The following MBD5 variants were observed in gnomAD, a reference collection of about 807,000 sequenced individuals.
MBD5 encodes the protein methyl-CpG-binding domain protein 5.
In MBD5, 13 loss-of-function variants were observed where a neutral mutation model predicts 117.3. That is an observed-to-expected ratio of 0.11 (90% CI 0.07 to 0.18). The LOEUF (loss-of-function observed/expected upper bound fraction) is 0.18, where lower values mean the gene tolerates loss of function less well. MBD5 is among the 10% of genes least tolerant of loss of function. The pLI is 1.00. For synonymous variants in MBD5, 727 were observed against 766.4 expected, an observed-to-expected ratio of 0.95 and a Z score of 0.85; for missense variants, 1,879 against 2,093.8, an observed-to-expected ratio of 0.90 and a Z score of 2.00.
At chr2:148,065,292 CT>C (rs975928969) in intron 1 of MBD5, among the ~76,000 whole-genome samples, 10 of 152,048 alleles carry the variant, frequency 6.6e-5, no homozygotes, top group Admixed American at 1.3e-4. Flanking sequence ...TTCAAATAGC[CT>C]GGTATTTTCC....
At chr2:148,465,222 A>G (rs932804688) in intron 7 of MBD5, among the ~76,000 whole-genome samples, 3 of 152,150 alleles carry the variant, frequency 2.0e-5, no homozygotes, top group African/African-American at 7.2e-5. Flanking sequence ...TCATCATTAG[A>G]CACATAATGT....
chr2:148,355,123 GT>G (rs1399376753), intron 4 of MBD5, among the ~76,000 whole-genome samples: 1 of 95,222 alleles, frequency 1.1e-5, no homozygotes, highest in Non-Finnish European at 2.5e-5. Flanking sequence ...GGGGTTGTTT[GT>G]TTTTTTTCTT....
chr2:148,418,004 T>C (rs1705476723), intron 4 of MBD5, among the ~76,000 whole-genome samples: 1 of 151,990 alleles, frequency 6.6e-6, no homozygotes, highest in Admixed American at 6.6e-5. Flanking sequence ...CACGTGCAAC[T>C]AATTTCTTTA....
chr2:148,286,920 G>C (rs924334732), intron 3 of MBD5, among the ~76,000 whole-genome samples: 44 of 152,264 alleles, frequency 2.9e-4, no homozygotes, highest in African/African-American at 1.0e-3. Context: ...ATAATGAAGA[G>C]CAACAAAGGA....
chr2:148,203,121 A>G (rs1324405973), intron 2 of MBD5, among the ~76,000 whole-genome samples: 3 of 150,698 alleles, frequency 2.0e-5, no homozygotes, highest in Admixed American at 1.3e-4. Flanking sequence ...AAAAAAAAAA[A>G]GCTGTAAACT....
At chr2:148,136,051 T>C (rs946338852) in intron 1 of MBD5, among the ~76,000 whole-genome samples, 2 of 152,180 alleles carry the variant, frequency 1.3e-5, no homozygotes, top group African/African-American at 4.8e-5. Context: ...TGTTATAAAC[T>C]ATCTAATCAT....
At chr2:148,443,468 C>A (rs1706393237) in intron 4 of MBD5, among the ~76,000 whole-genome samples, 3 of 151,240 alleles carry the variant, frequency 2.0e-5, no homozygotes. Flanking sequence ...TTCACAATAG[C>A]CAAGATTTGG....
chr2:148,395,821 T>C (rs1326016619), intron 4 of MBD5, among the ~76,000 whole-genome samples: 1 of 152,136 alleles, frequency 6.6e-6, no homozygotes, highest in Admixed American at 6.5e-5. Context: ...AATCACACCA[T>C]ATAAGCCACA....
At chr2:148,182,449 C>G (rs887983616) in intron 2 of MBD5, among the ~76,000 whole-genome samples, 1 of 152,070 alleles carries the variant, frequency 6.6e-6, no homozygotes, top group Non-Finnish European at 1.5e-5. Flanking sequence ...AAATATCTGA[C>G]TGGAGATTTT....
In MBD5 at chr2:148,490,575, A is replaced by G. The variant is rs1285640636; in HGVS notation, c.4943A>G (p.Gln1648Arg). The G allele has an allele frequency of 6.2e-7, 1 of 1,614,092 alleles. No individual in the cohort carries two copies. The highest frequency in any genetic ancestry group is 1.7e-5 in the Admixed American group (1 of 60,008). The change falls in exon 11 of 14, where the codon CAA (glutamine) becomes CGA (arginine). Residue 1648 changes from glutamine to arginine, a missense_variant. Coordinates refer to ENST00000642680, the MANE Select transcript of MBD5 (RefSeq NM_001378120.1). ...REDDVHNSCQ[Q>R]SPEEGKVEPE... ...GACGACGTTCACAATTCATGTCAAC[A>G]AAGCCCCGAGGAAGGGAAGGTATAC... is the stretch of plus-strand genomic sequence containing the variant.
In MBD5 at chr2:148,469,115, T is replaced by C; in HGVS notation, c.1172T>C (p.Met391Thr). The C allele has an allele frequency of 6.8e-6, 11 of 1,614,068 alleles. No homozygotes were observed. The highest frequency in any genetic ancestry group is 1.1e-5 in the South Asian group (1 of 91,082). Residue 391 changes from methionine to threonine, a missense_variant, in exon 8 of 14, where the codon ATG becomes ACG. By Grantham distance (81) the Met-to-Thr change is moderately conservative. Around this residue, in one of 4 missense-constraint regions of MBD5, gnomAD observed 1,666 missense variants for 1,792.2 expected, o/e 0.93. Transcript: ENST00000642680. Reference sequence around the variant, plus strand: ...TCAAATGTCCACTCTCAGGTACCTATGATGAATGTAAGCATGCCTCCTGCT... The same window carrying C: ...TCAAATGTCCACTCTCAGGTACCTACGATGAATGTAAGCATGCCTCCTGCT... The part of the protein sequence containing the change: ...FHSNVHSQVP[M>T]MNVSMPPAVV...
At chr2:148,022,905 C>G (rs1476353039) in intron 1 of MBD5, among the ~76,000 whole-genome samples, 1 of 152,104 alleles carries the variant, frequency 6.6e-6, no homozygotes, top group African/African-American at 2.4e-5. Flanking sequence ...CTTTAAAATT[C>G]AGTGCTGTAT....
chr2:148,341,373 G>A (rs987410195), intron 3 of MBD5, among the ~76,000 whole-genome samples: 19 of 151,176 alleles, frequency 1.3e-4, no homozygotes, highest in African/African-American at 4.6e-4. Flanking sequence ...AGATTTTTAA[G>A]CATTAGAATT....
intron 4 of MBD5, among the ~76,000 whole-genome samples, chr2:148,345,396 CATAT>C (rs1306660611): frequency 5.0e-5 from 5 of 99,166 alleles, no homozygotes; most frequent in African/African-American, 1.4e-4. Flanking sequence ...TATACATATA[CATAT>C]ATACACATAT....
intron 4 of MBD5, among the ~76,000 whole-genome samples, chr2:148,400,535 C>G (rs540591134): frequency 5.9e-5 from 9 of 152,226 alleles, no homozygotes; most frequent in Admixed American, 5.9e-4. Flanking sequence ...ATTCTTGTTT[C>G]AAAGGTATTT....
intron 10 of MBD5, among the ~76,000 whole-genome samples, chr2:148,488,451 G>T (rs1681406411): frequency 6.6e-6 from 1 of 152,110 alleles, no homozygotes; most frequent in South Asian, 2.1e-4. Context: ...GATAAGGCAG[G>T]CAGTTGAATT....
intron 1 of MBD5, among the ~76,000 whole-genome samples, chr2:148,078,709 T>C (rs1695569482): frequency 6.6e-6 from 1 of 152,234 alleles, no homozygotes; most frequent in South Asian, 2.1e-4. Context: ...ACATATATTC[T>C]TTGACTCTTT....
chr2:148,237,725 T>C (rs1163336819), intron 3 of MBD5, among the ~76,000 whole-genome samples: 1 of 152,172 alleles, frequency 6.6e-6, no homozygotes, highest in East Asian at 1.9e-4. Context: ...ACGGCACCGA[T>C]GGACTTGCTC....
At position 148,144,316 on chromosome 2, in the gene MBD5, T is replaced by A. The variant is rs1046075239; in HGVS notation, c.-924-34384T>A. On this transcript the variant is annotated intron_variant, in intron 1 of 13. Transcript: ENST00000642680. ...GTTGTTTGTTTTTTTCTTGTAAATT[T>A]GTTTGAGTTCTTTGTAGATTCTGGA... Among the ~76,000 whole-genome samples the A allele has an allele frequency of 1.3e-4, 20 of 152,198 alleles. No individual in the cohort carries two copies. In the East Asian group the frequency reaches 2.1e-3, roughly 16 times the overall value.
Sources: allele counts gnomAD v4.1 joint callset (sites outside exome capture counted in the v4.1 genomes callset), GRCh38; gene constraint gnomAD v4.1.1; regional missense constraint gnomAD v4.1.1; transcripts MANE v1.5; gene names NCBI Gene and HGNC (gene_info 2026-07-23, HGNC 2026-07-21).